TPRKB: variants seen among roughly 807,000 people sequenced by gnomAD.
The protein encoded by TPRKB is TP53RK binding protein.
A neutral mutation model predicts 17.8 loss-of-function variants in TPRKB; 11 were observed. That is an observed-to-expected ratio of 0.62 (90% confidence interval 0.39 to 1.02). The LOEUF is 1.02. TPRKB is among the 50% of genes least tolerant of loss of function. The pLI, the probability that TPRKB is intolerant of heterozygous loss-of-function variation, is 0.00. For missense variants in TPRKB, 228 were observed against 198.0 expected, an observed-to-expected ratio of 1.15 and a Z score of -0.91; for synonymous variants, 71 against 69.5, an observed-to-expected ratio of 1.02 and a Z score of -0.11.
intron 1 of TPRKB, among the ~76,000 whole-genome samples, chr2:73,736,728 TC>T (rs1181481671): frequency 2.0e-5 from 3 of 152,158 alleles, no homozygotes; most frequent in Non-Finnish European, 4.4e-5. Context: ...CCTCCTATAA[TC>T]CAGTCGTCAC....
chr2:73,735,177 A>G (rs1671821265), intron 1 of TPRKB, among the ~76,000 whole-genome samples: 1 of 152,070 alleles, frequency 6.6e-6, no homozygotes, highest in Non-Finnish European at 1.5e-5. Context: ...AAAAATGCCA[A>G]AAAAATTAGC....
intron 4 of TPRKB, chr2:73,730,231 C>T (rs1243009196): frequency 7.2e-6 from 4 of 553,676 alleles, no homozygotes; most frequent in Non-Finnish European, 1.1e-5. Context: ...ATGGGAGTAA[C>T]TCTCAAGAAC....
chr2:73,736,577 T>G (rs552382396), intron 1 of TPRKB, among the ~76,000 whole-genome samples: 2 of 152,324 alleles, frequency 1.3e-5, no homozygotes, highest in East Asian at 3.9e-4. Context: ...AACCTGTCAC[T>G]CAAATCCTAT....
Position 73,733,161 on chromosome 2 carries a change from T to C in TPRKB, c.142-876A>G, listed in dbSNP as rs116062594. On this transcript the variant is annotated intron_variant, in intron 2 of 4. Coordinates refer to ENST00000272424, the MANE Select transcript of TPRKB (RefSeq NM_016058.5). ...TGCTAGGAATGCAGTAAGCACTATATAAAGGTTGGTTATGTCTTGTTCAAA... is the reference window on the plus strand; with the variant it reads ...TGCTAGGAATGCAGTAAGCACTATACAAAGGTTGGTTATGTCTTGTTCAAA... Among the ~76,000 whole-genome samples, 1,092 of 151,982 alleles carry C rather than the reference T, an allele frequency of 7.2e-3. 6 individuals carry two copies. Among genetic ancestry groups the C allele is most frequent in the Non-Finnish European group, 0.013 (906 of 67,996 alleles).
At chr2:73,731,083 C>T (rs139770402) in intron 3 of TPRKB, 6 of 178,696 alleles carry the variant, frequency 3.4e-5, no homozygotes, top group African/African-American at 1.2e-4. Flanking sequence ...CATTTCATGC[C>T]CTTCTGCCTG....
chr2:73,736,279 A>G (rs914700496), intron 1 of TPRKB, among the ~76,000 whole-genome samples: 21 of 152,142 alleles, frequency 1.4e-4, no homozygotes, highest in Non-Finnish European at 2.8e-4. Context: ...AGATACACAT[A>G]TTTTTTTAAA....
intron 3 of TPRKB, chr2:73,730,945 T>C (rs1350044696): frequency 2.5e-6 from 1 of 405,736 alleles, no homozygotes; most frequent in Non-Finnish European, 4.3e-6. Flanking sequence ...AGGTACGCCT[T>C]GTTCCTATGG....
At chr2:73,735,348 TA>T (rs1671829738) in intron 1 of TPRKB, among the ~76,000 whole-genome samples, 5 of 147,924 alleles carry the variant, frequency 3.4e-5, no homozygotes, top group Admixed American at 6.7e-5. Context: ...AAAAAAAGAA[TA>T]GGGGGAAGGG....
In TPRKB at chr2:73,733,246, G is replaced by GTTTTTTT. The variant is rs3076394; in HGVS notation, c.142-968_142-962dup. Among the ~76,000 whole-genome samples, 56 of 119,408 alleles carry GTTTTTTT rather than the reference G, an allele frequency of 4.7e-4. 9 individuals are homozygous for GTTTTTTT. Among genetic ancestry groups the GTTTTTTT allele is most frequent in the Non-Finnish European group, 6.2e-4 (36 of 57,934 alleles). 78.3% of individuals were successfully genotyped at this position (119,408 alleles called of 152,430 possible). ...AACATGATCGCACTGCGTGTGCCCT[G>GTTTTTTT]TTTTTTTGTTTTTTTTTTTTTTTGG... On this transcript the variant is annotated intron_variant, in intron 2 of 4. Coordinates refer to ENST00000272424, the MANE Select transcript of TPRKB (RefSeq NM_016058.5).
intron 1 of TPRKB, among the ~76,000 whole-genome samples, chr2:73,736,483 C>T (rs1671886389): frequency 6.6e-6 from 1 of 152,010 alleles, no homozygotes; most frequent in South Asian, 2.1e-4. Context: ...GGGGAAGAAC[C>T]CTTAGAAAAC....
intron 2 of TPRKB, 84 bp downstream of exon 2, chr2:73,734,345 C>G (rs148464280): frequency 3.2e-5 from 44 of 1,392,566 alleles, no homozygotes; most frequent in Non-Finnish European, 4.2e-5. Flanking sequence ...ATGATCCACC[C>G]GCCTCGGCCT....
Position 73,730,040 on chromosome 2 carries a change from GA to G in TPRKB, c.442-12del. 1 of 1,548,798 alleles carries G rather than the reference GA, an allele frequency of 6.5e-7. No homozygotes were observed. The highest frequency in any genetic ancestry group is 8.7e-7 in the Non-Finnish European group (1 of 1,145,320). ...AGAGAGTTTATATATCTGTAAAAATGAAAGACAAATTATGACTTGCTGATAT... is the reference window on the plus strand; with the variant it reads ...AGAGAGTTTATATATCTGTAAAAATGAAGACAAATTATGACTTGCTGATAT... On this transcript the variant is annotated splice_polypyrimidine_tract_variant and intron_variant, in intron 4 of 4. Coordinates refer to ENST00000272424, the MANE Select transcript of TPRKB (RefSeq NM_016058.5).
rs769029364 is a variant in TPRKB at position 73,730,715 on chromosome 2, A to T, written c.286T>A (p.Phe96Ile). ...GAAGTGTCATTTGCTGAGATACCAA[A>T]TTTTTTCAAAGCCTCTGAAATCTAA... Reference protein sequence around the residue: ...NNNISEALKKFGISANDTSIL... With the variant: ...NNNISEALKKIGISANDTSIL... The change falls in exon 4 of 5, where the codon TTT becomes ATT. Residue 96 changes from phenylalanine (F) to isoleucine (I), a missense_variant. Physicochemically the swap from Phe to Ile is conservative, Grantham distance 21. Coordinates refer to ENST00000272424, the MANE Select transcript of TPRKB (RefSeq NM_016058.5). 1 of 1,525,466 alleles carries T rather than the reference A, an allele frequency of 6.6e-7. No homozygotes were observed. The highest frequency in any genetic ancestry group is 2.6e-5 in the Admixed American group (1 of 39,110). 94.5% of individuals were successfully genotyped at this position (1,525,466 alleles called of 1,614,324 possible).
intron 4 of TPRKB, 106 bp downstream of exon 4, chr2:73,730,453 CT>C: frequency 2.7e-6 from 2 of 738,598 alleles, no homozygotes; most frequent in Non-Finnish European, 4.2e-6. Context: ...ATTAGATTAA[CT>C]TTCTCAAAAG....
Position 73,729,898 on chromosome 2 carries a change from A to T in TPRKB, c.*45T>A, listed in dbSNP as rs377427709. On this transcript the variant is annotated 3_prime_UTR_variant, in exon 5 of 5. Transcript: ENST00000272424. The stretch of plus-strand genomic sequence containing the variant: ...TTTTATAGTCAGGAAAGGAAAATCA[A>T]TGTTTTCTTTAATGCTGAGAATTTT... 6.8e-6 allele frequency: 10 copies of T among 1,464,960 alleles called. No homozygotes were observed. Among genetic ancestry groups the T allele is most frequent in the Admixed American group, 4.7e-5 (2 of 42,158 alleles). 90.7% of individuals were successfully genotyped at this position (1,464,960 alleles called of 1,614,324 possible). A position where few individuals can be genotyped will look rare whatever the true frequency, so the allele number is the denominator to read the frequency against.
Position 73,732,285 on chromosome 2 carries a change from T to C in TPRKB, c.142A>G (p.Ile48Val). Residue 48 changes from isoleucine to valine, a missense_variant and splice_region_variant, in exon 3 of 5, where the codon ATT becomes GTT. By Grantham distance (29) the Ile-to-Val change is conservative. Transcript: ENST00000272424. Reference protein sequence around the residue: ...IDGSLINPTVIVDPFQILVAA... With the variant: ...IDGSLINPTVVVDPFQILVAA... Reference sequence around the variant, plus strand: ...ACAAGTATCTGAAATGGATCAACAATCTACCAAAGCAAGGAAAAAGAATTA... The same window carrying C: ...ACAAGTATCTGAAATGGATCAACAACCTACCAAAGCAAGGAAAAAGAATTA... The C allele has an allele frequency of 1.2e-6, 2 of 1,610,524 alleles. No individual in the cohort carries two copies. Among genetic ancestry groups the C allele is most frequent in the Non-Finnish European group, 1.7e-6 (2 of 1,179,136 alleles).
chr2:73,736,342 G>A (rs999475013), intron 1 of TPRKB, among the ~76,000 whole-genome samples: 6 of 152,016 alleles, frequency 3.9e-5, no homozygotes, highest in Non-Finnish European at 7.4e-5. Context: ...AGGTTATGAG[G>A]TGATTTTTAT....
In TPRKB at chr2:73,730,742, AGAAAAAAAAT is replaced by A; in HGVS notation, c.265-16_265-7del. The A allele has an allele frequency of 6.7e-7, 1 of 1,501,622 alleles. No homozygotes were observed. The highest frequency in any genetic ancestry group is 8.8e-7 in the Non-Finnish European group (1 of 1,133,408). 93.0% of individuals were successfully genotyped at this position (1,501,622 alleles called of 1,614,324 possible). ...TTTTTCAAAGCCTCTGAAATCTAAG[AGAAAAAAAAT>A]GAAAAAAAAAACACAAGATCATTAA... On this transcript the variant is annotated splice_polypyrimidine_tract_variant and splice_region_variant and intron_variant, in intron 3 of 4. Coordinates refer to ENST00000272424, the MANE Select transcript of TPRKB (RefSeq NM_016058.5).
chr2:73,732,318 A>G, intron 2 of TPRKB, 33 bp from the exon 3 acceptor site: 2 of 1,603,052 alleles, frequency 1.2e-6, no homozygotes, highest in Non-Finnish European at 1.7e-6. Context: ...TTAATTACAC[A>G]TGGAGAATCT....
Sources: gnomAD v4.1 joint callset for allele counts (sites outside exome capture counted in the v4.1 genomes callset) on GRCh38, gnomAD v4.1.1 for gene constraint, MANE v1.5 for transcripts, NCBI Gene and HGNC (gene_info 2026-07-23, HGNC 2026-07-21) for gene names.